Variants in KCTD2 observed in about 807,000 individuals in gnomAD.
The protein encoded by KCTD2 is potassium channel tetramerization domain containing 2, also known as BTB/POZ domain-containing protein KCTD2.
KCTD2 carries 18 observed loss-of-function variants against 27.9 expected under a neutral mutation model. The observed-to-expected ratio is 0.64, with a 90% CI of 0.45 to 0.96. KCTD2 has a LOEUF of 0.96. Among genes scored for constraint, KCTD2 ranks in the 40% least tolerant of loss-of-function variants. The pLI is 0.00. For synonymous variants in KCTD2, 175 were observed against 148.4 expected (o/e 1.18, Z -1.30); for missense variants, 280 against 348.0 (o/e 0.80, Z 1.56).
chr17:75,043,626 A>C (rs1033327963), upstream of KCTD2, among the ~76,000 whole-genome samples: 7 of 151,704 alleles, frequency 4.6e-5, no homozygotes, highest in African/African-American at 7.3e-5. Context: ...AAAAAAAAAA[A>C]AACAAACCCC....
At chr17:75,039,126 C>T in intron 3 of KCTD2, 1 of 1,611,954 alleles carries the variant, frequency 6.2e-7, no homozygotes, top group Non-Finnish European at 8.5e-7. Flanking sequence ...ATATCCAAGG[C>T]AGGTTCCTGC....
intron 4 of KCTD2, among the ~76,000 whole-genome samples, chr17:75,060,032 G>A (rs985549132): frequency 2.0e-5 from 3 of 152,046 alleles, no homozygotes; most frequent in Admixed American, 2.0e-4. Flanking sequence ...GTGAACAGCT[G>A]TGCTAGGAAG....
chr17:75,043,867 G>A (rs948489019), upstream of KCTD2, among the ~76,000 whole-genome samples: 3 of 151,868 alleles, frequency 2.0e-5, no homozygotes, highest in African/African-American at 7.3e-5. Flanking sequence ...TGCCCCAGAG[G>A]GCTGCTAAAA....
upstream of KCTD2, among the ~76,000 whole-genome samples, chr17:75,043,805 C>T (rs537212376): frequency 1.3e-5 from 2 of 152,276 alleles, no homozygotes; most frequent in East Asian, 1.9e-4. Flanking sequence ...AAATAGAGCA[C>T]TCTCTAGGCT....
Position 75,060,251 on chromosome 17 carries a change from G to A in KCTD2, c.636+646G>A, listed in dbSNP as rs552368789. Among the ~76,000 whole-genome samples the A allele has an allele frequency of 5.3e-5, 8 of 150,246 alleles. No homozygotes were observed. In the East Asian group the frequency reaches 1.4e-3, roughly 26 times the overall value. On this transcript the variant is annotated intron_variant, in intron 4 of 5. Coordinates refer to ENST00000322444, the MANE Select transcript of KCTD2 (RefSeq NM_015353.3). ...ATACAATTTTTTTTTTTTTTGGAAA[G>A]TCAAATCCCTTTCTTCATTCCATCC... is the stretch of plus-strand genomic sequence containing the variant.
At chr17:75,056,945 CTTTTTTCTTTTTTTTT>C (rs1194189862) in intron 3 of KCTD2, among the ~76,000 whole-genome samples, 3 of 128,496 alleles carry the variant, frequency 2.3e-5, no homozygotes, top group Non-Finnish European at 3.3e-5. Context: ...CTTTTTTTTT[CTTTTTTCTTTTTTTTT>C]TTTTTTTTTT....
chr17:75,055,599 C>T (rs2073341206), intron 3 of KCTD2, among the ~76,000 whole-genome samples: 1 of 150,798 alleles, frequency 6.6e-6, no homozygotes, highest in East Asian at 2.0e-4. Context: ...TTTGGGAGGC[C>T]GAGGCAGGTG....
In KCTD2 at chr17:75,047,586, C is replaced by T; in HGVS notation, c.336C>T (p.Asp112=). The T allele has an allele frequency of 6.2e-7, 1 of 1,608,370 alleles. No individual in the cohort carries two copies. Among genetic ancestry groups the T allele is most frequent in the Non-Finnish European group, 8.5e-7 (1 of 1,177,714 alleles). ...AGGAGGACCCGGAGCTGGACTCAGA[C>T]AAGGTGTGCCCCGCCCTCGGGCGCG... ...CCQEDPELDS[D]KDETGAYLID... is the part of the protein sequence containing the mutation. Residue 112 remains aspartate (D), a synonymous_variant, in exon 1 of 6, where the codon GAC becomes GAT. Transcript: ENST00000322444.
chr17:75,041,463 A>AAC (rs56229756), intron 3 of KCTD2: 1 of 151,020 alleles, frequency 6.6e-6, no homozygotes, highest in Non-Finnish European at 1.5e-5. Context: ...AAAAAAAAAA[A>AAC]CAAAACGAAA....
At chr17:75,060,547 C>T in intron 4 of KCTD2, 1 of 1,613,010 alleles carries the variant, frequency 6.2e-7, no homozygotes. Context: ...CTTTTCACTT[C>T]TGTGTTGTCC....
At chr17:75,048,433 CAG>C (rs1168995659) in intron 1 of KCTD2, among the ~76,000 whole-genome samples, 2 of 152,226 alleles carry the variant, frequency 1.3e-5, no homozygotes, top group Non-Finnish European at 2.9e-5. Context: ...GACCTCAAAA[CAG>C]AGCTGGAGTT....
intron 2 of KCTD2, among the ~76,000 whole-genome samples, chr17:75,050,489 C>T (rs2073273146): frequency 6.6e-6 from 1 of 152,078 alleles, no homozygotes; most frequent in African/African-American, 2.4e-5. Flanking sequence ...TCTTGAACTC[C>T]TAACCTCAAG....
At position 75,060,661 on chromosome 17, in the gene KCTD2, G is replaced by A. The variant is rs1047615873; in HGVS notation, c.636+1056G>A. On this transcript the variant is annotated intron_variant, in intron 4 of 5. Transcript: ENST00000322444. Reference sequence around the variant, plus strand: ...GCGAGTGGGCCCGGCCAGGGAGGGCGCGCGTGCGAGGGCGGGTCAGGCTGC... The same window carrying A: ...GCGAGTGGGCCCGGCCAGGGAGGGCACGCGTGCGAGGGCGGGTCAGGCTGC... 13 of 1,511,108 alleles carry A rather than the reference G, an allele frequency of 8.6e-6. No individual in the cohort carries two copies. In the South Asian group the frequency reaches 1.5e-4, roughly 17 times the overall value. The allele number at this position is 1,511,108 out of a possible 1,614,324, so 93.6% of individuals were successfully genotyped here.
chr17:75,039,514 A>G lies in KCTD2; in HGVS notation c.-259+4157A>G, dbSNP rs146419218. 5.5e-4 allele frequency: 278 copies of G among 501,850 alleles called. 4 individuals carry two copies. In the East Asian group the frequency reaches 9.0e-3, roughly 16 times the overall value. 31.1% of individuals were successfully genotyped at this position (501,850 alleles called of 1,614,324 possible). On this transcript the variant is annotated intron_variant, in intron 3 of 7. Transcript: ENST00000581589. ...ACCCGGCTGCTTCTGCAAGTTCCTC[A>G]TCCGAAGACCTACAGAATGCCTGTT...
intron 3 of KCTD2, among the ~76,000 whole-genome samples, chr17:75,053,706 G>A (rs1337749993): frequency 6.6e-6 from 1 of 151,980 alleles, no homozygotes; most frequent in Non-Finnish European, 1.5e-5. Context: ...GCCTCCCAAA[G>A]TGCTGGGATT....
At chr17:75,056,189 A>G (rs1234294236) in intron 3 of KCTD2, among the ~76,000 whole-genome samples, 1 of 152,226 alleles carries the variant, frequency 6.6e-6, no homozygotes, top group East Asian at 1.9e-4. Context: ...CTGACAGCTC[A>G]AAGGCTCCTT....
At chr17:75,044,144 C>A (rs1339892358), upstream of KCTD2, among the ~76,000 whole-genome samples, 1 of 150,502 alleles carries the variant, frequency 6.6e-6, no homozygotes, top group Non-Finnish European at 1.5e-5. Context: ...CCTGCCTCAG[C>A]CTCCGGAGTA....
chr17:75,051,027 G>A (rs920032708), intron 2 of KCTD2, among the ~76,000 whole-genome samples: 2 of 149,148 alleles, frequency 1.3e-5, no homozygotes, highest in Non-Finnish European at 3.0e-5. Context: ...AGGCTGGAGT[G>A]CAGTGGCGCA....
upstream of KCTD2, among the ~76,000 whole-genome samples, chr17:75,043,724 C>T (rs1197625459): frequency 6.6e-6 from 1 of 152,074 alleles, no homozygotes; most frequent in Non-Finnish European, 1.5e-5. Context: ...ACATTTCCAC[C>T]CAGATTGTGT....
Sources: allele counts gnomAD v4.1 joint callset (sites outside exome capture counted in the v4.1 genomes callset), GRCh38; gene constraint gnomAD v4.1.1; transcripts MANE v1.5; gene names NCBI Gene and HGNC (gene_info 2026-07-23, HGNC 2026-07-21).